SKAP1: variants seen among roughly 807,000 people sequenced by gnomAD.
SKAP1 encodes src kinase-associated phosphoprotein 1.
SKAP1 carries 44 observed loss-of-function variants against 58.5 expected under a neutral mutation model. The ratio of observed to expected loss-of-function variants is 0.75; its 90% CI spans 0.59 to 0.97. The LOEUF (loss-of-function observed/expected upper bound fraction) is 0.97, where lower values mean the gene tolerates loss of function less well. Among genes scored for constraint, SKAP1 ranks in the 50% least tolerant of loss-of-function variants. The pLI, the probability that SKAP1 is intolerant of heterozygous loss-of-function variation, is 0.00. For missense variants in SKAP1, 390 were observed against 435.2 expected (o/e 0.90, Z 0.92); for synonymous variants, 127 against 149.7 (o/e 0.85, Z 1.11).
At chr17:48,152,709 T>C (rs1278648186) in intron 11 of SKAP1, among the ~76,000 whole-genome samples, 1 of 152,208 alleles carries the variant, frequency 6.6e-6, no homozygotes, top group African/African-American at 2.4e-5. Context: ...ATTTATGTGG[T>C]AAAAAATTAC....
intron 4 of SKAP1, among the ~76,000 whole-genome samples, chr17:48,266,045 A>G (rs1276702117): frequency 6.6e-6 from 1 of 152,034 alleles, no homozygotes; most frequent in Non-Finnish European, 1.5e-5. Context: ...CCTTGTCAGC[A>G]CTTGGTTTGG....
intron 2 of SKAP1, among the ~76,000 whole-genome samples, chr17:48,383,131 G>A (rs1013393123): frequency 2.0e-5 from 3 of 152,148 alleles, no homozygotes; most frequent in Non-Finnish European, 4.4e-5. Flanking sequence ...TCTGCTTCCG[G>A]TCTATAATCC....
intron 10 of SKAP1, among the ~76,000 whole-genome samples, chr17:48,164,428 G>T (rs1157740389): frequency 6.6e-6 from 1 of 152,188 alleles, no homozygotes; most frequent in East Asian, 1.9e-4. Flanking sequence ...TCACTTTGGA[G>T]TACGGTTCCC....
intron 1 of SKAP1, among the ~76,000 whole-genome samples, chr17:48,428,099 A>T (rs923633192): frequency 2.0e-5 from 3 of 152,206 alleles, no homozygotes; most frequent in Non-Finnish European, 4.4e-5. Context: ...TTTAAAAAAC[A>T]TATCTTCAAA....
chr17:48,443,324 A>G, the SKAP1 span, among the ~76,000 whole-genome samples: 1 of 152,178 alleles, frequency 6.6e-6, no homozygotes, highest in Non-Finnish European at 1.5e-5. Context: ...ATACTTGTCT[A>G]CCTGCCACCT....
chr17:48,294,593 A>G (rs1388468892), intron 4 of SKAP1: 1 of 152,190 alleles, frequency 6.6e-6, no homozygotes, highest in Non-Finnish European at 1.5e-5. Context: ...CTAAACCAAA[A>G]TCTGTGTAGA....
chr17:48,241,002 CCT>C (rs2143824390), intron 4 of SKAP1, among the ~76,000 whole-genome samples: 1 of 152,298 alleles, frequency 6.6e-6, no homozygotes, highest in Admixed American at 6.5e-5. Flanking sequence ...ACAGCTCTAT[CCT>C]CTTTTTATAA....
At chr17:48,183,549 T>C (rs529332952) in intron 7 of SKAP1, among the ~76,000 whole-genome samples, 3 of 152,296 alleles carry the variant, frequency 2.0e-5, no homozygotes, top group Non-Finnish European at 4.4e-5. Context: ...TCCTGCATAA[T>C]GCTTATTAAT....
intron 11 of SKAP1, among the ~76,000 whole-genome samples, chr17:48,158,038 A>G (rs879926596): frequency 6.6e-6 from 1 of 151,676 alleles, no homozygotes; most frequent in African/African-American, 2.4e-5. Flanking sequence ...TTAGCTGGGC[A>G]TGGGGGTGCA....
At chr17:48,193,333 G>A (rs907573970) in intron 4 of SKAP1, among the ~76,000 whole-genome samples, 3 of 152,130 alleles carry the variant, frequency 2.0e-5, no homozygotes, top group Non-Finnish European at 2.9e-5. Flanking sequence ...ATGAGCCACC[G>A]CACCCGGTCT....
chr17:48,304,026 T>C (rs1223001641), intron 4 of SKAP1, among the ~76,000 whole-genome samples: 1 of 152,174 alleles, frequency 6.6e-6, no homozygotes, highest in African/African-American at 2.4e-5. Context: ...GGCTGTGAGT[T>C]TTCAAGTTAA....
At chr17:48,166,150 T>C (rs2064136356) in intron 10 of SKAP1, among the ~76,000 whole-genome samples, 1 of 152,156 alleles carries the variant, frequency 6.6e-6, no homozygotes, top group African/African-American at 2.4e-5. Context: ...GATCACTGCA[T>C]TTAAATTGCT....
intron 4 of SKAP1, among the ~76,000 whole-genome samples, chr17:48,331,744 T>C (rs1315785624): frequency 6.6e-6 from 1 of 151,894 alleles, no homozygotes; most frequent in Non-Finnish European, 1.5e-5. Flanking sequence ...TTAAAAAATC[T>C]AGTTTTCATG....
intron 3 of SKAP1, among the ~76,000 whole-genome samples, chr17:48,349,306 C>T (rs1250679332): frequency 2.0e-5 from 3 of 152,200 alleles, no homozygotes; most frequent in African/African-American, 7.2e-5. Flanking sequence ...TGGGATCAGA[C>T]ATAAATGATC....
intron 3 of SKAP1, among the ~76,000 whole-genome samples, chr17:48,347,952 C>A (rs1203404097): frequency 6.6e-6 from 1 of 152,152 alleles, no homozygotes; most frequent in Non-Finnish European, 1.5e-5. Flanking sequence ...CAAAATTTAA[C>A]TTTTGTAGGA....
chr17:48,141,123 G>A (rs1385361951), intron 11 of SKAP1, among the ~76,000 whole-genome samples: 4 of 151,782 alleles, frequency 2.6e-5, no homozygotes, highest in East Asian at 3.9e-4. Context: ...GAGTCCTGTC[G>A]ATTCTCCCTC....
rs371494666 is a variant in SKAP1, at chr17:48,365,113, TTTTTTG to T, written c.153-1305_153-1300del. Among the ~76,000 whole-genome samples, 991 of 146,274 alleles carry T rather than the reference TTTTTTG, an allele frequency of 6.8e-3. 9 individuals carry two copies. Among genetic ancestry groups the T allele is most frequent in the African/African-American group, 0.023 (916 of 39,878 alleles). ...TGAGAGACTGAAAAACAGTTACTGTTTTTTTGTTTTTGTTTTTGTTTTTGTTTTGTA... is the reference window on the plus strand; with the variant it reads ...TGAGAGACTGAAAAACAGTTACTGTTTTTTTGTTTTTGTTTTTGTTTTGTA... On this transcript the variant is annotated intron_variant, in intron 2 of 12. Transcript: ENST00000336915.
chr17:48,370,367 G>A (rs934398680), intron 2 of SKAP1, among the ~76,000 whole-genome samples: 9 of 152,050 alleles, frequency 5.9e-5, no homozygotes, highest in Non-Finnish European at 1.3e-4. Flanking sequence ...GTGCTGTGGC[G>A]TGATCATGGC....
chr17:48,411,872 A>G (rs1226973022), intron 1 of SKAP1, among the ~76,000 whole-genome samples: 1 of 152,234 alleles, frequency 6.6e-6, no homozygotes, highest in Non-Finnish European at 1.5e-5. Flanking sequence ...AAACTGTTAC[A>G]GCAAGAGGCG....
Sources: allele counts gnomAD v4.1 joint callset (sites outside exome capture counted in the v4.1 genomes callset), GRCh38; gene constraint gnomAD v4.1.1; transcripts MANE v1.5; gene names NCBI Gene and HGNC (gene_info 2026-07-23, HGNC 2026-07-21).